The following LSAMP variants were observed in gnomAD, a reference collection of about 807,000 sequenced individuals.
LSAMP encodes limbic system-associated membrane protein.
In LSAMP, 7 loss-of-function variants were observed where a neutral mutation model predicts 38.6. The ratio of observed to expected loss-of-function variants is 0.18; its 90% CI spans 0.10 to 0.34. The LOEUF is 0.34. Among genes scored for constraint, LSAMP ranks in the 10% least tolerant of loss-of-function variants. The pLI is 1.00. For synonymous variants in LSAMP, 154 were observed against 166.8 expected, an observed-to-expected ratio of 0.92 and a Z score of 0.59; for missense variants, 313 against 420.0, an observed-to-expected ratio of 0.75 and a Z score of 2.23.
At chr3:116,265,260 C>T (rs191890437) in intron 1 of LSAMP, among the ~76,000 whole-genome samples, 53 of 152,090 alleles carry the variant, frequency 3.5e-4, no homozygotes, top group South Asian at 6.2e-4. Flanking sequence ...TAGAGAGAGG[C>T]TAAGGTTCAT....
At chr3:116,212,572 C>T (rs2046172501) in intron 1 of LSAMP, among the ~76,000 whole-genome samples, 1 of 151,300 alleles carries the variant, frequency 6.6e-6, no homozygotes, top group Non-Finnish European at 1.5e-5. Flanking sequence ...AAAAAAACTA[C>T]AGAAGTAAAA....
chr3:116,436,644 T>C (rs2049353008), intron 1 of LSAMP, among the ~76,000 whole-genome samples: 1 of 152,052 alleles, frequency 6.6e-6, no homozygotes, highest in East Asian at 1.9e-4. Flanking sequence ...ACCTTACTCC[T>C]CCAAGAATGG....
intron 3 of LSAMP, among the ~76,000 whole-genome samples, chr3:115,989,873 G>C (rs1939617992): frequency 6.6e-6 from 1 of 152,032 alleles, no homozygotes; most frequent in Non-Finnish European, 1.5e-5. Context: ...TTTAGAGTGA[G>C]TTAGAGTAAC....
At chr3:116,266,648 A>G (rs2046895739) in intron 1 of LSAMP, among the ~76,000 whole-genome samples, 1 of 152,168 alleles carries the variant, frequency 6.6e-6, no homozygotes, top group African/African-American at 2.4e-5. Flanking sequence ...ATTTGAGTAT[A>G]TTAGTTTAGA....
intron 1 of LSAMP, among the ~76,000 whole-genome samples, chr3:116,103,305 A>G (rs1287880403): frequency 6.6e-6 from 1 of 151,958 alleles, no homozygotes; most frequent in East Asian, 1.9e-4. Context: ...TGTCTGTACT[A>G]AAAATACAAA....
At chr3:116,016,131 C>T (rs1014938138) in intron 3 of LSAMP, among the ~76,000 whole-genome samples, 1 of 152,004 alleles carries the variant, frequency 6.6e-6, no homozygotes, top group Admixed American at 6.6e-5. Context: ...CCAAGAAAGA[C>T]TTCACATTAC....
chr3:116,430,193 A>G (rs2049262735), intron 1 of LSAMP, among the ~76,000 whole-genome samples: 1 of 152,198 alleles, frequency 6.6e-6, no homozygotes, highest in African/African-American at 2.4e-5. Context: ...TCTTAATGAT[A>G]TACAGTCCCT....
chr3:115,878,993 A>G (rs567652565), intron 3 of LSAMP, among the ~76,000 whole-genome samples: 81 of 152,250 alleles, frequency 5.3e-4, no homozygotes, highest in Non-Finnish European at 8.7e-4. Flanking sequence ...CATTACTCCA[A>G]AGCTGCAGGA....
At chr3:116,192,893 C>T (rs137864840) in intron 1 of LSAMP, among the ~76,000 whole-genome samples, 65 of 152,248 alleles carry the variant, frequency 4.3e-4, no homozygotes, top group African/African-American at 1.5e-3. Flanking sequence ...CTCTAATTTC[C>T]TCTACCTGGT....
intron 1 of LSAMP, among the ~76,000 whole-genome samples, chr3:116,203,283 C>T (rs2107595747): frequency 6.6e-6 from 1 of 152,178 alleles, no homozygotes; most frequent in African/African-American, 2.4e-5. Context: ...TCAAGAAGTT[C>T]CCTTCAATTC....
At chr3:116,086,941 G>A (rs1256980096) in intron 1 of LSAMP, among the ~76,000 whole-genome samples, 1 of 152,182 alleles carries the variant, frequency 6.6e-6, no homozygotes, top group Non-Finnish European at 1.5e-5. Flanking sequence ...ATCTTGAACT[G>A]TGTTTACTCT....
chr3:116,318,721 ATAT>A (rs1278307825), intron 1 of LSAMP, among the ~76,000 whole-genome samples: 1 of 152,228 alleles, frequency 6.6e-6, no homozygotes, highest in African/African-American at 2.4e-5. Flanking sequence ...TCAATACAAT[ATAT>A]TATATTTGGA....
At position 116,093,614 on chromosome 3, in the gene LSAMP, T is replaced by C. The variant is rs76105690; in HGVS notation, c.156-7058A>G. Among the ~76,000 whole-genome samples, 446 of 152,344 alleles carry C rather than the reference T, an allele frequency of 2.9e-3. 3 individuals carry two copies. The highest frequency in any genetic ancestry group is 9.6e-3 in the African/African-American group (401 of 41,588). On this transcript the variant is annotated intron_variant, in intron 1 of 6. Coordinates refer to ENST00000490035, the MANE Select transcript of LSAMP (RefSeq NM_002338.5). ...TTGTTTTACTTTAGTTTCATAATCG[T>C]AAAATGATGTAATCATTTCATAACA...
At chr3:116,143,179 A>G (rs1320402096) in intron 1 of LSAMP, among the ~76,000 whole-genome samples, 3 of 151,860 alleles carry the variant, frequency 2.0e-5, no homozygotes, top group Non-Finnish European at 4.4e-5. Flanking sequence ...CCTTACAGGC[A>G]TAGTTCCTAT....
rs116584066 is a variant in LSAMP at position 116,357,828 on chromosome 3, T to G, written c.155+87049A>C. ...GAATTTACATCAGTTCACTCTTCAT[T>G]GAAAGCAACAGAAAATCTTCCCTGG... is the stretch of plus-strand genomic sequence containing the variant. On this transcript the variant is annotated intron_variant, in intron 1 of 6. Coordinates refer to ENST00000490035, the MANE Select transcript of LSAMP (RefSeq NM_002338.5). Among the ~76,000 whole-genome samples, 656 of 151,898 alleles carry G rather than the reference T, an allele frequency of 4.3e-3. 6 individuals carry two copies. The highest frequency in any genetic ancestry group is 0.015 in the African/African-American group (622 of 41,400).
intron 1 of LSAMP, among the ~76,000 whole-genome samples, chr3:116,196,113 A>T (rs1245875572): frequency 6.6e-6 from 1 of 152,126 alleles, no homozygotes; most frequent in African/African-American, 2.4e-5. Context: ...TCATCTTCTC[A>T]TTGATCATCC....
At chr3:116,193,682 A>G (rs17360) in intron 1 of LSAMP, among the ~76,000 whole-genome samples, 4 of 152,190 alleles carry the variant, frequency 2.6e-5, no homozygotes, top group South Asian at 2.1e-4. Context: ...CATATTAAAA[A>G]CAGAAGCTGG....
In LSAMP at chr3:116,146,595, C is replaced by G. The variant is rs372753045; in HGVS notation, c.156-60039G>C. 6.6e-5 allele frequency among the ~76,000 whole-genome samples: 10 copies of G among 151,950 alleles called. No individual in the cohort carries two copies. The South Asian group carries it at 1.0e-3, about 16-fold the overall frequency. On this transcript the variant is annotated intron_variant, in intron 1 of 6. Coordinates refer to ENST00000490035, the MANE Select transcript of LSAMP (RefSeq NM_002338.5). ...ACCATACCAGCACACCAATTAGAAA[C>G]AGTAACTTTGTGTTGCATGAATAAA... is the stretch of plus-strand genomic sequence containing the variant.
At chr3:115,889,469 CTG>C (rs965610778) in intron 3 of LSAMP, among the ~76,000 whole-genome samples, 177 of 151,858 alleles carry the variant, frequency 1.2e-3, no homozygotes, top group African/African-American at 4.1e-3. Context: ...GGGAGTCATG[CTG>C]TAGAGTCTGG....
Sources: allele counts gnomAD v4.1 joint callset (sites outside exome capture counted in the v4.1 genomes callset), GRCh38; gene constraint gnomAD v4.1.1; transcripts MANE v1.5; gene names NCBI Gene and HGNC (gene_info 2026-07-23, HGNC 2026-07-21).